Variants in PLEKHS1 observed in about 807,000 individuals in gnomAD.
The protein encoded by PLEKHS1 is pleckstrin homology domain containing S1.
A neutral mutation model predicts 51.0 loss-of-function variants in PLEKHS1; 55 were observed. The ratio of observed to expected loss-of-function variants is 1.08; its 90% confidence interval spans 0.87 to 1.35. The LOEUF is 1.35. Ranked by LOEUF, PLEKHS1 falls within the 40% of genes most tolerant of loss-of-function variation. The pLI, the probability that PLEKHS1 is intolerant of heterozygous loss-of-function variation, is 0.00. For missense variants in PLEKHS1, 398 were observed against 423.0 expected, an observed-to-expected ratio of 0.94 and a Z score of 0.52; for synonymous variants, 153 against 144.8, an observed-to-expected ratio of 1.06 and a Z score of -0.41.
chr10:113,770,720 A>G (rs764895403), intron 7 of PLEKHS1, among the ~76,000 whole-genome samples: 2 of 152,166 alleles, frequency 1.3e-5, no homozygotes, highest in Non-Finnish European at 2.9e-5. Context: ...AAACGGTGGT[A>G]TGCAGCAGTT....
intron 8 of PLEKHS1, among the ~76,000 whole-genome samples, chr10:113,772,778 A>C (rs1844471551): frequency 6.6e-6 from 1 of 152,214 alleles, no homozygotes; most frequent in Non-Finnish European, 1.5e-5. Context: ...TAGTTCAGTG[A>C]GGCTGCAACC....
intron 10 of PLEKHS1, among the ~76,000 whole-genome samples, 177 bp from the exon 11 acceptor site, chr10:113,775,588 C>T (rs1844613032): frequency 6.6e-6 from 1 of 152,178 alleles, no homozygotes; most frequent in Non-Finnish European, 1.5e-5. Context: ...CCATCCGCTA[C>T]CACATCCCAA....
intron 2 of PLEKHS1, among the ~76,000 whole-genome samples, chr10:113,762,157 T>G (rs1250765751): frequency 7.2e-5 from 11 of 151,974 alleles, no homozygotes; most frequent in Non-Finnish European, 1.5e-5. Flanking sequence ...TGTAGATATG[T>G]CCCCTCTCTC....
intron 4 of PLEKHS1, 66 bp downstream of exon 4, chr10:113,766,784 C>A: frequency 8.1e-7 from 1 of 1,241,842 alleles, no homozygotes; most frequent in Non-Finnish European, 1.1e-6. Context: ...TAACAAGTTG[C>A]ATGCAAATTG....
intron 2 of PLEKHS1, among the ~76,000 whole-genome samples, chr10:113,764,071 A>T (rs192137899): frequency 3.2e-4 from 48 of 152,100 alleles, no homozygotes; most frequent in Admixed American, 5.9e-4. Flanking sequence ...GAATGAGAGT[A>T]TTTTTTCAGT....
intron 4 of PLEKHS1, among the ~76,000 whole-genome samples, chr10:113,766,986 G>A (rs575230583): frequency 2.0e-5 from 3 of 152,202 alleles, no homozygotes; most frequent in Non-Finnish European, 4.4e-5. Context: ...ATTTGTGGAT[G>A]AGAGGGAGCA....
chr10:113,775,735 A>C, intron 10 of PLEKHS1, 30 bp from the exon 11 acceptor site: 1 of 1,537,670 alleles, frequency 6.5e-7, no homozygotes, highest in South Asian at 1.2e-5. Context: ...CAGTTGCCTG[A>C]TGTGACTTTT....
chr10:113,777,022 A>G, intron 11 of PLEKHS1, 102 bp from the exon 12 acceptor site: 12 of 1,344,076 alleles, frequency 8.9e-6, no homozygotes, highest in Non-Finnish European at 1.2e-5. Flanking sequence ...AGTCTACTTC[A>G]GAGGTGGTGC....
chr10:113,773,444 A>G (rs73361846), intron 8 of PLEKHS1, among the ~76,000 whole-genome samples: 4 of 152,082 alleles, frequency 2.6e-5, no homozygotes, highest in Admixed American at 6.5e-5. Flanking sequence ...AAATAAATAA[A>G]TAAGTAAAAA....
intron 7 of PLEKHS1, among the ~76,000 whole-genome samples, chr10:113,771,100 C>A (rs1844383528): frequency 6.6e-6 from 1 of 152,168 alleles, no homozygotes; most frequent in Non-Finnish European, 1.5e-5. Context: ...AAAGAAGCTA[C>A]TTTAGTAGAA....
At chr10:113,762,123 T>C (rs1273291547) in intron 2 of PLEKHS1, among the ~76,000 whole-genome samples, 1 of 152,004 alleles carries the variant, frequency 6.6e-6, no homozygotes, top group Non-Finnish European at 1.5e-5. Context: ...ATTTCTTTAT[T>C]ATCCTTTTAA....
exon 12 of PLEKHS1, chr10:113,781,814 C>G (rs1844879883): frequency 1.3e-5 from 2 of 154,778 alleles, no homozygotes; most frequent in Admixed American, 1.3e-4. Context: ...ACCTCCTTCC[C>G]AAACATCCCC....
chr10:113,774,319 G>A (rs1311097566), exon 9 of PLEKHS1: 3 of 1,575,052 alleles, frequency 1.9e-6, no homozygotes, highest in African/African-American at 2.8e-5. Flanking sequence ...GTCATTATGA[G>A]CCAATGGAAT....
intron 2 of PLEKHS1, among the ~76,000 whole-genome samples, chr10:113,759,955 C>T (rs959875522): frequency 6.6e-6 from 1 of 152,108 alleles, no homozygotes; most frequent in Non-Finnish European, 1.5e-5. Flanking sequence ...AAAATTATCA[C>T]CTAAATCAGG....
chr10:113,774,904 G>T (rs751837896), exon 10 of PLEKHS1: 2 of 1,614,128 alleles, frequency 1.2e-6, no homozygotes, highest in Non-Finnish European at 1.7e-6. Flanking sequence ...CCCAGGATGG[G>T]GACCTCCACC....
chr10:113,753,633 C>T (rs1853956787), intron 1 of PLEKHS1, among the ~76,000 whole-genome samples: 1 of 152,120 alleles, frequency 6.6e-6, no homozygotes, highest in South Asian at 2.1e-4. Flanking sequence ...CAGGATACCT[C>T]AAGGGAGAAA....
At chr10:113,752,118 C>G (rs754106229) in intron 1 of PLEKHS1, among the ~76,000 whole-genome samples, 3 of 152,150 alleles carry the variant, frequency 2.0e-5, no homozygotes, top group Non-Finnish European at 2.9e-5. Context: ...AGACTTAATT[C>G]TACTTTCTTA....
intron 6 of PLEKHS1, among the ~76,000 whole-genome samples, chr10:113,769,515 A>G (rs1285202664): frequency 6.6e-6 from 1 of 152,190 alleles, no homozygotes; most frequent in Non-Finnish European, 1.5e-5. Flanking sequence ...ACTGGGGTGG[A>G]GGGTGTCAGA....
exon 11 of PLEKHS1, chr10:113,775,846 A>C: frequency 6.2e-7 from 1 of 1,611,992 alleles, no homozygotes; most frequent in South Asian, 1.1e-5. Context: ...TTGCTCTCAC[A>C]GAAGCCACAG....
Sources: allele counts gnomAD v4.1 joint callset (sites outside exome capture counted in the v4.1 genomes callset), GRCh38; gene constraint gnomAD v4.1.1; transcripts MANE v1.5; gene names NCBI Gene and HGNC (gene_info 2026-07-23, HGNC 2026-07-21).